The following RNF130 variants were observed in gnomAD, a reference collection of about 807,000 sequenced individuals.
The protein encoded by RNF130 is E3 ubiquitin-protein ligase RNF130.
A neutral mutation model predicts 44.6 loss-of-function variants in RNF130; 21 were observed. The observed-to-expected ratio is 0.47, with a 90% CI of 0.33 to 0.68. The LOEUF (loss-of-function observed/expected upper bound fraction) is 0.68. RNF130 is among the 30% of genes least tolerant of loss of function. The pLI, the probability that RNF130 is intolerant of heterozygous loss-of-function variation, is 0.02. For synonymous variants in RNF130, 214 were observed against 210.4 expected (o/e 1.02, Z -0.15); for missense variants, 479 against 560.6 (o/e 0.85, Z 1.47).
At position 179,977,358 on chromosome 5, in the gene RNF130, G is replaced by A. The variant is rs951234991; in HGVS notation, c.848+845C>T. The A allele has an allele frequency of 6.6e-6, 1 of 152,228 alleles. No individual in the cohort carries two copies. The highest frequency in any genetic ancestry group is 1.5e-5 in the Non-Finnish European group (1 of 68,038). 9.4% of individuals were successfully genotyped at this position (152,228 alleles called of 1,614,324 possible). A position where few individuals can be genotyped will look rare whatever the true frequency, so the allele number is the denominator to read the frequency against. ...CCAGAGCCAGGTGAGCTCGATGGAA[G>A]TCTCACTGAAGGGCTTGGAGATGTA... On this transcript the variant is annotated intron_variant, in intron 5 of 8. Transcript: ENST00000521389. The surrounding 1 kb of genome is among the most constrained non-coding windows in gnomAD (Gnocchi z 4.1).
intron 3 of RNF130, among the ~76,000 whole-genome samples, chr5:179,990,274 C>T (rs1380944833): frequency 6.6e-6 from 1 of 152,186 alleles, no homozygotes; most frequent in Non-Finnish European, 1.5e-5. Flanking sequence ...AGTCACATGT[C>T]CACTGGACAG....
chr5:180,004,769 C>T (rs758680635), intron 3 of RNF130, among the ~76,000 whole-genome samples: 5 of 152,212 alleles, frequency 3.3e-5, no homozygotes, highest in South Asian at 4.1e-4. Flanking sequence ...TTTTGCCATT[C>T]GGCAATCAGA....
At chr5:179,984,153 G>A (rs1762901987) in intron 3 of RNF130, among the ~76,000 whole-genome samples, 1 of 152,074 alleles carries the variant, frequency 6.6e-6, no homozygotes. Flanking sequence ...TAAATCTACT[G>A]TTGGTCTTTT....
Position 179,963,672 on chromosome 5 carries a change from G to C in RNF130, c.1151-108C>G. 12 of 767,332 alleles carry C rather than the reference G, an allele frequency of 1.6e-5. No individual in the cohort carries two copies. The South Asian group carries it at 1.8e-4, about 12-fold the overall frequency. 47.5% of individuals were successfully genotyped at this position (767,332 alleles called of 1,614,324 possible). A position where few individuals can be genotyped will look rare whatever the true frequency, so the allele number is the denominator to read the frequency against. The stretch of plus-strand genomic sequence containing the variant: ...GAAGCAGACGTCAACGGAGGTGTAA[G>C]CCAAGATTGGCCCAAGGAAGTGAAG... On this transcript the variant is annotated intron_variant, in intron 7 of 8. Coordinates refer to ENST00000521389, the MANE Select transcript of RNF130 (RefSeq NM_018434.6).
intron 2 of RNF130, among the ~76,000 whole-genome samples, chr5:180,013,910 C>CAA (rs1763653972): frequency 6.6e-6 from 1 of 152,198 alleles, no homozygotes; most frequent in African/African-American, 2.4e-5. Flanking sequence ...AACAGAGCTA[C>CAA]AAAGTGCCAA....
intron 8 of RNF130, among the ~76,000 whole-genome samples, chr5:179,961,975 G>A (rs1277666392): frequency 6.6e-6 from 1 of 152,216 alleles, no homozygotes; most frequent in East Asian, 1.9e-4. Context: ...TAACAACCCT[G>A]CGATATGGTC....
chr5:180,040,054 T>C (rs1335138419), intron 2 of RNF130, among the ~76,000 whole-genome samples: 2 of 152,220 alleles, frequency 1.3e-5, no homozygotes, highest in Non-Finnish European at 2.9e-5. Context: ...TGAAATTATA[T>C]TAATTACTAA....
chr5:179,978,129 G>C (rs764293991), intron 5 of RNF130, 74 bp downstream of exon 5: 6 of 1,285,852 alleles, frequency 4.7e-6, no homozygotes, highest in Non-Finnish European at 5.7e-6. Flanking sequence ...AAGCAAGGGA[G>C]ATGCCCACCC....
chr5:180,055,270 A>AAAAAAAAAAAC (rs1302197907), intron 1 of RNF130, among the ~76,000 whole-genome samples: 1 of 18,338 alleles, frequency 5.5e-5, no homozygotes, highest in East Asian at 1.9e-3. Context: ...AAAAAAAAAA[A>AAAAAAAAAAAC]AAAAAAAAAA....
intron 3 of RNF130, among the ~76,000 whole-genome samples, chr5:179,995,123 T>C (rs951795855): frequency 2.0e-5 from 3 of 152,132 alleles, no homozygotes; most frequent in African/African-American, 7.2e-5. Context: ...TGAGAGCAAC[T>C]GACATTGCAT....
At chr5:179,959,014 C>T (rs1762268784) in intron 8 of RNF130, among the ~76,000 whole-genome samples, 1 of 152,142 alleles carries the variant, frequency 6.6e-6, no homozygotes, top group Admixed American at 6.6e-5. Flanking sequence ...TGGAAATCTG[C>T]CTCCCTGTAG....
At chr5:179,963,665 G>T in intron 7 of RNF130, 101 bp from the exon 8 acceptor site, 2 of 835,050 alleles carry the variant, frequency 2.4e-6, no homozygotes, top group Non-Finnish European at 4.0e-6. Flanking sequence ...CGTCAACGGA[G>T]GTGTAAGCCA....
At chr5:179,949,245 C>T (rs1370293133) in intron 7 of RNF130, among the ~76,000 whole-genome samples, 1 of 151,792 alleles carries the variant, frequency 6.6e-6, no homozygotes, top group African/African-American at 2.4e-5. Flanking sequence ...GGATTACAGG[C>T]ATGAGCCACC....
intron 1 of RNF130, among the ~76,000 whole-genome samples, chr5:180,069,391 C>T (rs1765193299): frequency 6.6e-6 from 1 of 152,118 alleles, no homozygotes; most frequent in African/African-American, 2.4e-5. Flanking sequence ...ACTTAAACCA[C>T]CTGTAGGATC....
At chr5:179,964,967 C>T (rs1008063039) in intron 7 of RNF130, among the ~76,000 whole-genome samples, 8 of 152,188 alleles carry the variant, frequency 5.3e-5, no homozygotes, top group Non-Finnish European at 1.0e-4. Flanking sequence ...ATGTATATGG[C>T]ATTTATAAAA....
chr5:180,030,804 T>C (rs1006243682), intron 2 of RNF130, among the ~76,000 whole-genome samples: 1 of 152,264 alleles, frequency 6.6e-6, no homozygotes, highest in Admixed American at 6.5e-5. Flanking sequence ...TAGCCTTTTG[T>C]GTCTGGCTTC....
chr5:179,921,284 C>T (rs528087702), intron 7 of RNF130, among the ~76,000 whole-genome samples: 6 of 152,168 alleles, frequency 3.9e-5, no homozygotes, highest in African/African-American at 7.2e-5. Flanking sequence ...TCTTTCTACC[C>T]TACTCCTATT....
rs538747883 is a variant in RNF130, at chr5:179,977,264, C to A, written c.848+939G>T. On this transcript the variant is annotated intron_variant, in intron 5 of 8. Coordinates refer to ENST00000521389, the MANE Select transcript of RNF130 (RefSeq NM_018434.6). The surrounding 1 kb of genome is among the most constrained non-coding windows in gnomAD (Gnocchi z 4.1). Reference sequence around the variant, plus strand: ...ACCACAGCAGGCACAAAGCAGGTATCAGTTCTTTCCATTTTGCATAATCCA... The same window carrying A: ...ACCACAGCAGGCACAAAGCAGGTATAAGTTCTTTCCATTTTGCATAATCCA... The A allele has an allele frequency of 6.6e-6, 1 of 152,408 alleles. No homozygotes were observed. Among genetic ancestry groups the A allele is most frequent in the East Asian group, 1.9e-4 (1 of 5,180 alleles). 9.4% of individuals were successfully genotyped at this position (152,408 alleles called of 1,614,324 possible).
intron 2 of RNF130, among the ~76,000 whole-genome samples, chr5:180,036,181 T>A (rs1764246113): frequency 6.6e-6 from 1 of 152,208 alleles, no homozygotes; most frequent in Non-Finnish European, 1.5e-5. Flanking sequence ...TGGTGTTGCC[T>A]TGTCTGCTTG....
Sources: gnomAD v4.1 joint callset for allele counts (sites outside exome capture counted in the v4.1 genomes callset) on GRCh38, gnomAD v4.1.1 for gene constraint, Gnocchi (gnomAD v3.1) non-coding constraint, MANE v1.5 for transcripts, NCBI Gene and HGNC (gene_info 2026-07-23, HGNC 2026-07-21) for gene names.